Variants in RGPD2 observed in about 807,000 individuals in gnomAD.
RGPD2 encodes the protein RANBP2-like and GRIP domain-containing protein 2.
RGPD2 carries 2 observed loss-of-function variants against 36.0 expected under a neutral mutation model. That is an observed-to-expected ratio of 0.06 (90% CI 0.02 to 0.17). The LOEUF (loss-of-function observed/expected upper bound fraction) is 0.17. Among genes scored for constraint, RGPD2 ranks in the 10% least tolerant of loss-of-function variants. RGPD2 has a pLI of 1.00. For synonymous variants in RGPD2, 19 were observed against 163.8 expected (o/e 0.12, Z 6.75); for missense variants, 40 against 464.3 (o/e 0.09, Z 8.40).
intron 21 of RGPD2, among the ~76,000 whole-genome samples, chr2:87,772,810 C>A (rs1298345627): frequency 6.6e-6 from 1 of 150,640 alleles, no homozygotes; most frequent in East Asian, 2.0e-4. Context: ...ATGAGTCAGT[C>A]CAGCAGCTTA....
chr2:87,902,679 A>AT, the RGPD2 span, among the ~76,000 whole-genome samples: 1 of 146,980 alleles, frequency 6.8e-6, no homozygotes, highest in Non-Finnish European at 1.5e-5. Context: ...AAATAGTTTC[A>AT]TTTTTAATTG....
chr2:87,896,621 A>G, the RGPD2 span, among the ~76,000 whole-genome samples: 1 of 11,212 alleles, frequency 8.9e-5, no homozygotes, highest in African/African-American at 4.0e-4. Flanking sequence ...GAAGGTCCCA[A>G]AGAAGTTATT....
the RGPD2 span, among the ~76,000 whole-genome samples, chr2:87,935,245 TATC>T: frequency 6.7e-6 from 1 of 148,316 alleles, no homozygotes; most frequent in African/African-American, 2.5e-5. Context: ...AGGATCCTGA[TATC>T]ATTAAACAGT....
the RGPD2 span, among the ~76,000 whole-genome samples, chr2:87,935,544 G>A: frequency 3.4e-5 from 5 of 148,590 alleles, no homozygotes; most frequent in African/African-American, 7.4e-5. Flanking sequence ...AACATGTAAC[G>A]GGAAACCATT....
the RGPD2 span, among the ~76,000 whole-genome samples, chr2:87,842,256 T>G: frequency 0.014 from 1,989 of 138,868 alleles, 1 homozygote; most frequent in Non-Finnish European, 0.016. Context: ...ATTAGGAAAA[T>G]AGGAAGTCAA....
At chr2:87,880,920 A>G in the RGPD2 span, among the ~76,000 whole-genome samples, 1 of 116,342 alleles carries the variant, frequency 8.6e-6, no homozygotes, top group Non-Finnish European at 1.7e-5. Context: ...ATGGGGTACA[A>G]TGGGGTATAG....
At chr2:87,840,684 G>A in the RGPD2 span, among the ~76,000 whole-genome samples, 1 of 149,680 alleles carries the variant, frequency 6.7e-6, no homozygotes, top group Admixed American at 6.7e-5. Flanking sequence ...TCACTGCAAA[G>A]AGCATGAGGT....
the RGPD2 span, among the ~76,000 whole-genome samples, chr2:87,896,940 C>T: frequency 6.6e-6 from 1 of 151,610 alleles, no homozygotes; most frequent in African/African-American, 2.4e-5. Flanking sequence ...TCGAAAGCCA[C>T]TTAAGAATTT....
At chr2:87,871,729 G>T in the RGPD2 span, among the ~76,000 whole-genome samples, 3 of 151,722 alleles carry the variant, frequency 2.0e-5, no homozygotes, top group African/African-American at 4.8e-5. Flanking sequence ...GCCGGGCGTG[G>T]TGGTGCATGC....
chr2:87,865,314 G>C, the RGPD2 span, among the ~76,000 whole-genome samples: 1 of 151,160 alleles, frequency 6.6e-6, no homozygotes, highest in South Asian at 2.1e-4. Context: ...ACATAGTTTC[G>C]AATTTCCTCT....
the RGPD2 span, among the ~76,000 whole-genome samples, chr2:87,929,473 T>TG: frequency 8.4e-3 from 1,000 of 119,248 alleles, 12 homozygotes; most frequent in African/African-American, 0.028. Context: ...GCTTTGTTTT[T>TG]TTTGTGTGTG....
At chr2:87,876,470 T>C in the RGPD2 span, among the ~76,000 whole-genome samples, 2 of 152,256 alleles carry the variant, frequency 1.3e-5, no homozygotes, top group Non-Finnish European at 1.5e-5. Flanking sequence ...GATTTTTATC[T>C]TAATTTTATT....
chr2:87,886,899 G>A, the RGPD2 span, among the ~76,000 whole-genome samples: 7 of 151,800 alleles, frequency 4.6e-5, no homozygotes, highest in African/African-American at 9.7e-5. Context: ...GAGAGGTTAA[G>A]CATGTACCCA....
chr2:87,827,090 C>G (rs1333281047), upstream of RGPD2, among the ~76,000 whole-genome samples: 8 of 151,450 alleles, frequency 5.3e-5, no homozygotes, highest in Non-Finnish European at 1.0e-4. Context: ...CTCTCTCTCT[C>G]GTGCTCTCTT....
the RGPD2 span, among the ~76,000 whole-genome samples, chr2:87,921,967 AGTAGATC>A: frequency 6.6e-6 from 1 of 150,690 alleles, no homozygotes; most frequent in Non-Finnish European, 1.5e-5. Context: ...AGGTGATGTA[AGTAGATC>A]AGCTGGCTTC....
At chr2:87,839,452 A>G in the RGPD2 span, among the ~76,000 whole-genome samples, 1 of 152,070 alleles carries the variant, frequency 6.6e-6, no homozygotes, top group Admixed American at 6.6e-5. Flanking sequence ...TGGAATATAA[A>G]TAGTTCTAAC....
the RGPD2 span, among the ~76,000 whole-genome samples, chr2:87,864,566 C>CGTAGATAGATGATAG: frequency 6.6e-6 from 1 of 150,938 alleles, no homozygotes; most frequent in African/African-American, 2.4e-5. Context: ...TATAGCTAGA[C>CGTAGATAGATGATAG]ATAGATAGAT....
At chr2:87,880,088 T>C in the RGPD2 span, among the ~76,000 whole-genome samples, 2 of 95,786 alleles carry the variant, frequency 2.1e-5, no homozygotes, top group African/African-American at 9.9e-5. Context: ...TTTTCATATA[T>C]CTGTTGGACA....
the RGPD2 span, among the ~76,000 whole-genome samples, chr2:87,861,017 G>A: frequency 6.6e-6 from 1 of 151,990 alleles, no homozygotes; most frequent in Non-Finnish European, 1.5e-5. Flanking sequence ...AAGGATGTAT[G>A]TGTGAGTGTC....
Sources: gnomAD v4.1 joint callset for allele counts (sites outside exome capture counted in the v4.1 genomes callset) on GRCh38, gnomAD v4.1.1 for gene constraint, MANE v1.5 for transcripts, NCBI Gene and HGNC (gene_info 2026-07-23, HGNC 2026-07-21) for gene names.